The following SPG11 variants were observed in gnomAD, a reference collection of about 807,000 sequenced individuals.
The protein encoded by SPG11 is spatacsin.
Under a neutral mutation model 274.0 loss-of-function variants are expected in SPG11, and 222 were observed. The observed-to-expected ratio is 0.81, with a 90% CI of 0.73 to 0.91. SPG11 has a LOEUF of 0.91. SPG11 is among the 40% of genes least tolerant of loss of function. SPG11 has a pLI of 0.00. For missense variants in SPG11, 3,114 were observed against 2,872.7 expected, an observed-to-expected ratio of 1.08 and a Z score of -1.92; for synonymous variants, 1,144 against 1,039.7, an observed-to-expected ratio of 1.10 and a Z score of -1.93.
chr15:44,652,241 C>T lies in SPG11; in HGVS notation c.895G>A (p.Glu299Lys). The T allele has an allele frequency of 1.9e-6, 3 of 1,614,062 alleles. No homozygotes were observed. The highest frequency in any genetic ancestry group is 2.2e-5 in the South Asian group (2 of 91,078). ...FRQHPGHLLC[E>K]RILEDLPIQG... ...ATAGGAAGATCTTCTAGTATTCTTT[C>T]ACACAGTAGGTGTCCTGGGTGTTGC... The change falls in exon 5 of 40, where the codon GAA (glutamate) becomes AAA (lysine). Residue 299 changes from glutamate (E) to lysine (K), a missense_variant. Physicochemically the swap from Glu to Lys is moderately conservative, Grantham distance 56. Coordinates refer to ENST00000261866, the MANE Select transcript of SPG11 (RefSeq NM_025137.4).
chr15:44,590,401 G>A (rs1016859056), intron 27 of SPG11: 2 of 152,158 alleles, frequency 1.3e-5, no homozygotes, highest in Non-Finnish European at 2.9e-5. Context: ...GCTGATTTCA[G>A]AGGAGTGGTG....
chr15:44,613,624 T>A, intron 16 of SPG11, 88 bp from the exon 17 acceptor site: 1 of 794,416 alleles, frequency 1.3e-6, no homozygotes, highest in Admixed American at 2.3e-5. Context: ...GATTAGCATT[T>A]AAAAAAAGAA....
intron 31 of SPG11, among the ~76,000 whole-genome samples, chr15:44,574,070 C>T (rs958679455): frequency 1.3e-5 from 2 of 152,238 alleles, no homozygotes; most frequent in African/African-American, 4.8e-5. Context: ...ATGGCACAAT[C>T]TTGGCTCACC....
Position 44,618,735 on chromosome 15 carries a change from G to T in SPG11, c.2834+1455C>A, listed in dbSNP as rs190227802. ...CTCTGGAGGCTGAGGCAGGAGAATG[G>T]TGTGAACCCAGAAGGCAGAGCTTGT... is the stretch of plus-strand genomic sequence containing the variant. On this transcript the variant is annotated intron_variant, in intron 15 of 39. Transcript: ENST00000261866. Among the ~76,000 whole-genome samples, 1,286 of 151,928 alleles carry T rather than the reference G, an allele frequency of 8.5e-3. 23 individuals carry two copies. Among genetic ancestry groups the T allele is most frequent in the South Asian group, 0.046 (221 of 4,792 alleles).
At chr15:44,570,696 C>T (rs776212985) in intron 33 of SPG11, 38 bp from the exon 34 acceptor site, 1 of 1,605,868 alleles carries the variant, frequency 6.2e-7, no homozygotes, top group South Asian at 1.1e-5. Flanking sequence ...GATTATGAAC[C>T]CTGGCTGCCC....
chr15:44,628,874 G>A (rs1415695885), intron 9 of SPG11, 30 bp from the exon 10 acceptor site: 3 of 1,582,592 alleles, frequency 1.9e-6, no homozygotes, highest in East Asian at 4.5e-5. Context: ...GCCAATTTGT[G>A]TGTGTGTGTG....
rs144314414 is a variant in SPG11 at position 44,626,321 on chromosome 15, C to T, written c.2244+10G>A. 12 of 1,604,896 alleles carry T rather than the reference C, an allele frequency of 7.5e-6. No homozygotes were observed. In the African/African-American group the frequency reaches 1.2e-4, roughly 16 times the overall value. ...ATACATTTTAAGACTTTATGGATTA[C>T]ACCACTCACCATATTCTTCAAAAGT... On this transcript the variant is annotated intron_variant, in intron 11 of 39. Transcript: ENST00000261866.
rs201600828 is a variant in SPG11, at chr15:44,597,110, C to CTT, written c.4002-169_4002-168dup. ...TAGGCTACTTTGAAAAAAGTAGATT[C>CTT]TTTTTTTTTTTTTTTTTTTTGAGAC... On this transcript the variant is annotated intron_variant, in intron 23 of 39. Transcript: ENST00000261866. The CTT allele has an allele frequency of 3.0e-3, 1,049 of 344,514 alleles. 3 individuals carry two copies. Among genetic ancestry groups the CTT allele is most frequent in the East Asian group, 3.9e-3 (57 of 14,470 alleles). 21.3% of individuals were successfully genotyped at this position (344,514 alleles called of 1,614,324 possible).
At chr15:44,659,545 A>G (rs2085042397) in intron 2 of SPG11, among the ~76,000 whole-genome samples, 1 of 152,160 alleles carries the variant, frequency 6.6e-6, no homozygotes, top group Non-Finnish European at 1.5e-5. Flanking sequence ...GCACACTAGA[A>G]GGAGTATTCA....
At chr15:44,640,475 A>C (rs934062547) in intron 7 of SPG11, among the ~76,000 whole-genome samples, 5 of 152,198 alleles carry the variant, frequency 3.3e-5, no homozygotes, top group Non-Finnish European at 7.3e-5. Context: ...TTCTAATATA[A>C]ATCCTAACAA....
rs760730234 is a variant in SPG11 at position 44,573,605 on chromosome 15, C to G, written c.6147G>C (p.Val2049=). Residue 2049 remains valine, a synonymous_variant, in exon 32 of 40, where the codon GTG becomes GTC. Transcript: ENST00000261866. ...TCACCTCTTCTGCCACGAGTTCAGC[C>G]ACAGTATCTGGCTTAAGGCCCTGTG... ...ISTQGLKPDT[V]AELVAEEVTR... The G allele has an allele frequency of 1.2e-6, 2 of 1,614,148 alleles. No individual in the cohort carries two copies. Among genetic ancestry groups the G allele is most frequent in the Non-Finnish European group, 8.5e-7 (1 of 1,180,032 alleles).
In SPG11 at chr15:44,660,047, C is replaced by T. The variant is rs900377567; in HGVS notation, c.442+385G>A. Among the ~76,000 whole-genome samples, 12 of 151,590 alleles carry T rather than the reference C, an allele frequency of 7.9e-5. No individual in the cohort carries two copies. The South Asian group carries it at 1.0e-3, about 13-fold the overall frequency. ...CTGCACTCCAGCCTGGGTGACAGAG[C>T]GAGACTGTCTCAAAAAAATAAAATA... is the stretch of plus-strand genomic sequence containing the variant. On this transcript the variant is annotated intron_variant, in intron 2 of 39. Transcript: ENST00000261866.
intron 39 of SPG11, among the ~76,000 whole-genome samples, chr15:44,563,552 G>A (rs1216438147): frequency 6.6e-6 from 1 of 152,188 alleles, no homozygotes; most frequent in Non-Finnish European, 1.5e-5. Flanking sequence ...TGGCTAGGCT[G>A]GTGTTGAACT....
chr15:44,569,110 C>T (rs1380364015), intron 35 of SPG11, among the ~76,000 whole-genome samples: 2 of 150,004 alleles, frequency 1.3e-5, no homozygotes, highest in African/African-American at 2.5e-5. Flanking sequence ...GCGGATGTTG[C>T]GCCGAGATCA....
At chr15:44,644,586 A>G (rs1381650588) in intron 7 of SPG11, among the ~76,000 whole-genome samples, 1 of 152,206 alleles carries the variant, frequency 6.6e-6, no homozygotes, top group African/African-American at 2.4e-5. Flanking sequence ...AAATCAGGCA[A>G]GAGAAAGAAA....
intron 7 of SPG11, among the ~76,000 whole-genome samples, chr15:44,641,920 C>CAG (rs2084457217): frequency 3.9e-5 from 1 of 25,424 alleles, no homozygotes; most frequent in Non-Finnish European, 7.4e-5. Context: ...CACTGCTTAA[C>CAG]AGAAAAAAAA....
At position 44,592,401 on chromosome 15, in the gene SPG11, A is replaced by G. The variant is rs77629958; in HGVS notation, c.4673T>C (p.Leu1558Pro). ...TTTATAATTCCTGAAGAACATACAC[A>G]GTTCATACATCTCCATCACCAGTAG... is the stretch of plus-strand genomic sequence containing the variant. ...PLLLVMEMYE[L>P]CMFFRNYKEA... The change falls in exon 27 of 40, where the codon CTG becomes CCG. Residue 1558 changes from leucine (L) to proline (P), a missense_variant. Physicochemically the swap from Leu to Pro is moderately conservative, Grantham distance 98. Transcript: ENST00000261866. 1 of 1,611,386 alleles carries G rather than the reference A, an allele frequency of 6.2e-7. No homozygotes were observed. Among genetic ancestry groups the G allele is most frequent in the East Asian group, 2.2e-5 (1 of 44,880 alleles).
At position 44,564,698 on chromosome 15, in the gene SPG11, C is replaced by T. The variant is rs764647588; in HGVS notation, c.7000G>A (p.Ala2334Thr). Reference sequence around the variant, plus strand: ...TCGTAGGCCTCAGCCACAATAGAAGCCTTAAAAGGAGAGGTGAAGAAGGAC... The same window carrying T: ...TCGTAGGCCTCAGCCACAATAGAAGTCTTAAAAGGAGAGGTGAAGAAGGAC... ...CILALPRFYQ[A>T]SIVAEAYDFV... Residue 2334 changes from alanine (A) to threonine (T), a missense_variant and splice_region_variant, in exon 39 of 40, where the codon GCT becomes ACT. Coordinates refer to ENST00000261866, the MANE Select transcript of SPG11 (RefSeq NM_025137.4). The T allele has an allele frequency of 3.7e-6, 6 of 1,614,056 alleles. No homozygotes were observed. The highest frequency in any genetic ancestry group is 5.1e-6 in the Non-Finnish European group (6 of 1,180,002).
chr15:44,660,501 A>C lies in SPG11; in HGVS notation c.373T>G (p.Cys125Gly). The change falls in exon 2 of 40, where the codon TGT (cysteine) becomes GGT (glycine). Residue 125 changes from cysteine to glycine, a missense_variant. Transcript: ENST00000261866. ...CAGCTATACAAAATGGTTGCATCAC[A>C]TCTTCCATCTTTCAAATTAAATTCA... ...IYEFNLKDGR[C>G]DATILYSCSR... 6.2e-7 allele frequency: 1 copy of C among 1,614,150 alleles called. No homozygotes were observed. Among genetic ancestry groups the C allele is most frequent in the Non-Finnish European group, 8.5e-7 (1 of 1,179,990 alleles).
Sources: gnomAD v4.1 joint callset for allele counts (sites outside exome capture counted in the v4.1 genomes callset) on GRCh38, gnomAD v4.1.1 for gene constraint, MANE v1.5 for transcripts, NCBI Gene and HGNC (gene_info 2026-07-23, HGNC 2026-07-21) for gene names.